The following CTNNA2 variants were observed in gnomAD, a reference collection of about 807,000 sequenced individuals.
CTNNA2 encodes catenin alpha 2, also known as catenin alpha-2.
CTNNA2 carries 42 observed loss-of-function variants against 101.0 expected under a neutral mutation model. The ratio of observed to expected loss-of-function variants is 0.42; its 90% CI spans 0.32 to 0.54. The LOEUF (loss-of-function observed/expected upper bound fraction) is 0.54, where lower values mean the gene tolerates loss of function less well. Among genes scored for constraint, CTNNA2 ranks in the 20% least tolerant of loss-of-function variants. CTNNA2 has a pLI of 0.14. For missense variants in CTNNA2, 871 were observed against 1,223.1 expected (o/e 0.71, Z 4.29); for synonymous variants, 450 against 456.4 (o/e 0.99, Z 0.18).
At chr2:80,029,587 A>G (rs567435203) in intron 7 of CTNNA2, 44 of 152,262 alleles carry the variant, frequency 2.9e-4, no homozygotes, top group African/African-American at 1.1e-3. Context: ...ACTGAGTTGT[A>G]AAAGTTAATA....
chr2:80,402,301 T>TA (rs1338108445), intron 8 of CTNNA2, among the ~76,000 whole-genome samples: 16 of 152,208 alleles, frequency 1.1e-4, no homozygotes, highest in Non-Finnish European at 1.9e-4. Flanking sequence ...TTCCAAACTC[T>TA]GTCCTTTTGA....
chr2:79,868,228 G>T (rs547990942), intron 4 of CTNNA2, among the ~76,000 whole-genome samples: 7 of 152,078 alleles, frequency 4.6e-5, no homozygotes, highest in South Asian at 2.1e-4. Context: ...AAAAGAAGAC[G>T]CATGCTTTCC....
intron 3 of CTNNA2, among the ~76,000 whole-genome samples, chr2:79,811,854 A>G (rs985788453): frequency 1.3e-5 from 2 of 152,196 alleles, no homozygotes; most frequent in Non-Finnish European, 2.9e-5. Flanking sequence ...CTCCCAGTCC[A>G]TGAACACAAT....
At chr2:80,224,287 T>G (rs1053740256) in intron 7 of CTNNA2, among the ~76,000 whole-genome samples, 2 of 152,170 alleles carry the variant, frequency 1.3e-5, no homozygotes, top group Non-Finnish European at 1.5e-5. Flanking sequence ...TTATAATTAA[T>G]GAAGCATATG....
At chr2:79,661,185 T>G (rs1221995860) in intron 2 of CTNNA2, among the ~76,000 whole-genome samples, 2 of 152,166 alleles carry the variant, frequency 1.3e-5, no homozygotes, top group African/African-American at 4.8e-5. Flanking sequence ...TGCACTCTGT[T>G]TAGCATAAAT....
Position 80,065,133 on chromosome 2 carries a change from A to G in CTNNA2, c.1056+155336A>G, listed in dbSNP as rs183576874. On this transcript the variant is annotated intron_variant, in intron 7 of 18. Transcript: ENST00000402739. ...GGCCAGTATGATGGGAATTGTGCATAGTATTGAATAGACCCATGGAAAACT... is the reference window on the plus strand; with the variant it reads ...GGCCAGTATGATGGGAATTGTGCATGGTATTGAATAGACCCATGGAAAACT... Among the ~76,000 whole-genome samples the G allele has an allele frequency of 1.8e-3, 270 of 152,220 alleles. 2 individuals carry two copies. The highest frequency in any genetic ancestry group is 6.3e-3 in the African/African-American group (261 of 41,528).
intron 4 of CTNNA2, among the ~76,000 whole-genome samples, chr2:79,421,561 C>G (rs1037244035): frequency 1.3e-5 from 2 of 152,100 alleles, no homozygotes; most frequent in African/African-American, 4.8e-5. Context: ...CCTTGATGAC[C>G]TGGTGAACTA....
intron 7 of CTNNA2, among the ~76,000 whole-genome samples, chr2:79,945,808 C>T (rs569277133): frequency 9.9e-5 from 15 of 152,200 alleles, no homozygotes; most frequent in African/African-American, 3.4e-4. Context: ...TCATAAAGTA[C>T]GGGGCACCAA....
chr2:80,306,379 CT>C (rs1462100243), intron 7 of CTNNA2, among the ~76,000 whole-genome samples: 60 of 127,402 alleles, frequency 4.7e-4, no homozygotes, highest in African/African-American at 1.6e-3. Flanking sequence ...TTCTTTCTTT[CT>C]TTTCTTTTCT....
chr2:80,350,796 A>T (rs17019050), intron 7 of CTNNA2, among the ~76,000 whole-genome samples: 41,924 of 151,956 alleles, frequency 0.28, 6,381 homozygotes, highest in East Asian at 0.51. Flanking sequence ...TGTTTTCATG[A>T]ATCGAGGAAT....
At chr2:80,059,399 C>A (rs1227890232) in intron 7 of CTNNA2, among the ~76,000 whole-genome samples, 1 of 152,208 alleles carries the variant, frequency 6.6e-6, no homozygotes, top group Non-Finnish European at 1.5e-5. Flanking sequence ...AATAAATGCA[C>A]ATTGAAACTC....
chr2:79,980,893 A>G (rs990795268), intron 7 of CTNNA2, among the ~76,000 whole-genome samples: 1 of 152,186 alleles, frequency 6.6e-6, no homozygotes, highest in Non-Finnish European at 1.5e-5. Flanking sequence ...ATCGTTTACA[A>G]ATCAACAAAG....
chr2:80,080,470 G>A (rs181370793), intron 7 of CTNNA2, among the ~76,000 whole-genome samples: 19 of 152,268 alleles, frequency 1.2e-4, no homozygotes, highest in African/African-American at 2.9e-4. Context: ...ATCAATTCAC[G>A]GTAGATTGTA....
chr2:80,270,189 T>G lies in CTNNA2; in HGVS notation c.1057-123022T>G, dbSNP rs114677395. 8.2e-3 allele frequency among the ~76,000 whole-genome samples: 1,256 copies of G among 152,348 alleles called. 19 individuals carry two copies. Among genetic ancestry groups the G allele is most frequent in the African/African-American group, 0.028 (1,172 of 41,586 alleles). ...TGATACACTTTACCCTATGCACTCA[T>G]TTATGCTTCCTGCTTAGCCCCTGTG... On this transcript the variant is annotated intron_variant, in intron 7 of 18. Transcript: ENST00000402739.
At chr2:80,636,724 A>C (rs1004593801) in intron 18 of CTNNA2, among the ~76,000 whole-genome samples, 1 of 152,092 alleles carries the variant, frequency 6.6e-6, no homozygotes, top group Admixed American at 6.6e-5. Context: ...ATGCTTCCCA[A>C]ATTACATGTT....
At chr2:80,144,858 G>C (rs550141013) in intron 7 of CTNNA2, among the ~76,000 whole-genome samples, 1 of 152,070 alleles carries the variant, frequency 6.6e-6, no homozygotes. Flanking sequence ...CACAACTGAC[G>C]TTTGGGGCTG....
Position 79,220,863 on chromosome 2 carries a change from A to G in CTNNA2, c.-406+22787A>G, listed in dbSNP as rs1452603729. On this transcript the variant is annotated intron_variant, in intron 2 of 21. Transcript: ENST00000466387. ...ACAGGTATGTATTTATCTTTGTACAACTCTGCACACATTGTTAATCTTTCT... is the reference window on the plus strand; with the variant it reads ...ACAGGTATGTATTTATCTTTGTACAGCTCTGCACACATTGTTAATCTTTCT... Among the ~76,000 whole-genome samples, 3 of 152,320 alleles carry G rather than the reference A, an allele frequency of 2.0e-5. No homozygotes were observed. The East Asian group carries it at 5.8e-4, about 29-fold the overall frequency.
intron 3 of CTNNA2, among the ~76,000 whole-genome samples, chr2:79,344,360 T>A (rs1677207945): frequency 5.3e-5 from 8 of 152,242 alleles, no homozygotes; most frequent in Admixed American, 5.2e-4. Context: ...ATTGCTCCAA[T>A]GGTTGGCATT....
chr2:79,971,035 C>T (rs576826975), intron 7 of CTNNA2, among the ~76,000 whole-genome samples: 3 of 152,280 alleles, frequency 2.0e-5, no homozygotes, highest in South Asian at 2.1e-4. Context: ...GCCAGAAACA[C>T]TGGCCCAAGA....
Sources: gnomAD v4.1 joint callset for allele counts (sites outside exome capture counted in the v4.1 genomes callset) on GRCh38, gnomAD v4.1.1 for gene constraint, MANE v1.5 for transcripts, NCBI Gene and HGNC (gene_info 2026-07-23, HGNC 2026-07-21) for gene names.